The following SCGB2B2 variants were observed in gnomAD, a reference collection of about 807,000 sequenced individuals.
SCGB2B2 encodes secretoglobin-like protein.
A neutral mutation model predicts 7.6 loss-of-function variants in SCGB2B2; 11 were observed. That is an observed-to-expected ratio of 1.45 (90% CI 0.91 to 2.40). The LOEUF is 2.40. Ranked by LOEUF, SCGB2B2 falls within the 30% of genes most tolerant of loss-of-function variation. The pLI, the probability that SCGB2B2 is intolerant of heterozygous loss-of-function variation, is 0.00. For missense variants in SCGB2B2, 104 were observed against 115.4 expected (o/e 0.90, Z 0.45); for synonymous variants, 50 against 48.6 (o/e 1.03, Z -0.12).
intron 1 of SCGB2B2, among the ~76,000 whole-genome samples, chr19:34,602,539 G>A (rs1054264643): frequency 2.6e-5 from 4 of 152,040 alleles, no homozygotes; most frequent in African/African-American, 9.7e-5. Flanking sequence ...ATTCGGCTAC[G>A]TTGCCCTTTG....
At chr19:34,617,720 A>G (rs1219133761) in intron 1 of SCGB2B2, among the ~76,000 whole-genome samples, 1 of 152,148 alleles carries the variant, frequency 6.6e-6, no homozygotes. Context: ...TTCCAACACT[A>G]TGTTGAATAG....
chr19:34,632,814 C>A (rs1217768570), intron 1 of SCGB2B2: 1 of 152,232 alleles, frequency 6.6e-6, no homozygotes, highest in Admixed American at 6.5e-5. Flanking sequence ...CCAGGGCTAG[C>A]CCTTTCTTAG....
chr19:34,658,834 A>AAAAAAAAAAG (rs1555749405), intron 1 of SCGB2B2, among the ~76,000 whole-genome samples: 17 of 118,782 alleles, frequency 1.4e-4, no homozygotes, highest in Admixed American at 3.4e-4. Flanking sequence ...AAAAAAAAAA[A>AAAAAAAAAAG]AGAGAGAGAA....
Position 34,590,844 on chromosome 19 carries a change from C to G in SCGB2B2, c.*2711G>C, listed in dbSNP as rs192605261. On this transcript the variant is annotated 3_prime_UTR_variant, in exon 4 of 4. Transcript: ENST00000601241. ...ATCTTCAGTGACAATTATTTTCTAA[C>G]ATTTTCCTTATTCTTTCAAACACAT... 2.0e-5 allele frequency among the ~76,000 whole-genome samples: 3 copies of G among 152,298 alleles called. No individual in the cohort carries two copies. Among genetic ancestry groups the G allele is most frequent in the Admixed American group, 2.0e-4 (3 of 15,302 alleles).
At chr19:34,619,075 T>A (rs1190500963) in intron 1 of SCGB2B2, among the ~76,000 whole-genome samples, 3 of 152,262 alleles carry the variant, frequency 2.0e-5, no homozygotes, top group Non-Finnish European at 4.4e-5. Context: ...TTGTCTTTTT[T>A]AAAGAAATTA....
chr19:34,611,278 C>T (rs1004730895), intron 1 of SCGB2B2, among the ~76,000 whole-genome samples: 24 of 152,022 alleles, frequency 1.6e-4, no homozygotes, highest in African/African-American at 5.6e-4. Context: ...ACCAGCTTTT[C>T]ATTTTTTGAT....
intron 1 of SCGB2B2, among the ~76,000 whole-genome samples, chr19:34,659,434 G>C (rs1208856584): frequency 6.6e-6 from 1 of 152,188 alleles, no homozygotes. Flanking sequence ...AGCAACTTCA[G>C]CAAAGTCTCA....
At chr19:34,659,380 T>A (rs1188975628) in intron 1 of SCGB2B2, among the ~76,000 whole-genome samples, 1 of 152,132 alleles carries the variant, frequency 6.6e-6, no homozygotes, top group African/African-American at 2.4e-5. Context: ...GATTTTATAT[T>A]TAGAAAACCT....
chr19:34,651,382 A>G (rs2067158488), intron 1 of SCGB2B2, among the ~76,000 whole-genome samples: 1 of 151,102 alleles, frequency 6.6e-6, no homozygotes, highest in Non-Finnish European at 1.5e-5. Context: ...TAGAAAGAAA[A>G]CCCCTAAAGC....
At chr19:34,672,567 A>G (rs1028189452) in intron 1 of SCGB2B2, among the ~76,000 whole-genome samples, 4 of 152,224 alleles carry the variant, frequency 2.6e-5, no homozygotes, top group Admixed American at 2.6e-4. Context: ...CTGGGTATCC[A>G]TCTTTATCCC....
intron 1 of SCGB2B2, among the ~76,000 whole-genome samples, chr19:34,617,161 G>T (rs559299606): frequency 6.6e-5 from 10 of 152,240 alleles, no homozygotes; most frequent in African/African-American, 2.4e-4. Flanking sequence ...TTGACTTGGC[G>T]ATGTGGGCTC....
chr19:34,641,424 T>C (rs1036980365), intron 1 of SCGB2B2, among the ~76,000 whole-genome samples: 4 of 152,206 alleles, frequency 2.6e-5, no homozygotes, highest in Non-Finnish European at 5.9e-5. Context: ...ACAGTGTCAA[T>C]GCCCAGGGTT....
At chr19:34,662,957 AAC>A (rs1170629695) in intron 1 of SCGB2B2, among the ~76,000 whole-genome samples, 4 of 145,530 alleles carry the variant, frequency 2.7e-5, no homozygotes, top group African/African-American at 1.1e-4. Flanking sequence ...CAAACAAACA[AAC>A]AAAAAAAAAC....
chr19:34,657,321 T>A (rs914651338), intron 1 of SCGB2B2, among the ~76,000 whole-genome samples: 2 of 150,594 alleles, frequency 1.3e-5, no homozygotes, highest in Non-Finnish European at 2.9e-5. Flanking sequence ...GGATAAAGAG[T>A]CAAGACCCAT....
chr19:34,670,897 G>A (rs1422301318), intron 1 of SCGB2B2, among the ~76,000 whole-genome samples: 5 of 152,118 alleles, frequency 3.3e-5, no homozygotes, highest in African/African-American at 1.2e-4. Flanking sequence ...ATTGTATACC[G>A]TGTGAGGTTT....
rs1365640076 is a variant in SCGB2B2 at position 34,594,222 on chromosome 19, A to G, written c.199T>C (p.Phe67Leu). ...EESFLNVQQC[F>L]ANVSVTERFA... ...CTTTCTGTCACGGAGACATTGGCAAAGCATTGCTGGACATTGAGGAAGGAC... is the reference window on the plus strand; with the variant it reads ...CTTTCTGTCACGGAGACATTGGCAAGGCATTGCTGGACATTGAGGAAGGAC... Residue 67 changes from phenylalanine to leucine, a missense_variant, in exon 3 of 4, where the codon TTT (phenylalanine) becomes CTT (leucine). By Grantham distance (22) the Phe-to-Leu change is conservative. Transcript: ENST00000601241. The G allele has an allele frequency of 1.9e-6, 3 of 1,614,176 alleles. No individual in the cohort carries two copies. The highest frequency in any genetic ancestry group is 2.5e-6 in the Non-Finnish European group (3 of 1,180,008).
chr19:34,619,137 T>G (rs561395738), intron 1 of SCGB2B2, among the ~76,000 whole-genome samples: 1 of 152,316 alleles, frequency 6.6e-6, no homozygotes, highest in Admixed American at 6.5e-5. Flanking sequence ...TGACAATATG[T>G]TTAAGTGCTT....
At chr19:34,671,275 C>T (rs2067795753) in intron 1 of SCGB2B2, among the ~76,000 whole-genome samples, 1 of 152,220 alleles carries the variant, frequency 6.6e-6, no homozygotes, top group South Asian at 2.1e-4. Context: ...ACACGATCTT[C>T]AGTGAATTGC....
chr19:34,645,605 A>G, intron 1 of SCGB2B2: 1 of 294,842 alleles, frequency 3.4e-6, no homozygotes, highest in Non-Finnish European at 7.0e-6. Context: ...AGATACACAT[A>G]AAGCTCATCC....
Sources: gnomAD v4.1 joint callset for allele counts (sites outside exome capture counted in the v4.1 genomes callset) on GRCh38, gnomAD v4.1.1 for gene constraint, MANE v1.5 for transcripts, NCBI Gene and HGNC (gene_info 2026-07-23, HGNC 2026-07-21) for gene names.